PAPPA: variants seen among roughly 807,000 people sequenced by gnomAD.
PAPPA encodes pappalysin 1, also known as pappalysin-1.
In PAPPA, 60 loss-of-function variants were observed where a neutral mutation model predicts 164.0. That is an observed-to-expected ratio of 0.37 (90% confidence interval 0.30 to 0.45). PAPPA has a LOEUF of 0.45. Ranked by LOEUF, PAPPA falls within the 20% of genes least tolerant of loss-of-function variation. The probability of loss-of-function intolerance (pLI) is 1.00; values close to 1 mark genes in which losing one functional copy is unlikely to be tolerated. For missense variants in PAPPA, 1,782 were observed against 2,087.3 expected (o/e 0.85, Z 2.85); for synonymous variants, 875 against 814.1 (o/e 1.07, Z -1.27).
At chr9:116,357,957 T>C (rs1846375138) in intron 17 of PAPPA, among the ~76,000 whole-genome samples, 1 of 152,184 alleles carries the variant, frequency 6.6e-6, no homozygotes, top group Non-Finnish European at 1.5e-5. Flanking sequence ...TGTGAAAGCC[T>C]TTCTGCCATA....
chr9:116,280,866 C>T (rs779318400), intron 9 of PAPPA, among the ~76,000 whole-genome samples: 6 of 152,168 alleles, frequency 3.9e-5, no homozygotes, highest in Non-Finnish European at 8.8e-5. Flanking sequence ...CTTGTATGGA[C>T]CACAAAGCCA....
chr9:116,339,220 T>C (rs182132726), intron 13 of PAPPA, among the ~76,000 whole-genome samples: 1 of 152,314 alleles, frequency 6.6e-6, no homozygotes, highest in East Asian at 1.9e-4. Flanking sequence ...GGAGAGTTCA[T>C]ATTAAAAAAC....
chr9:116,265,045 A>T (rs940530001), intron 7 of PAPPA, among the ~76,000 whole-genome samples: 1 of 152,126 alleles, frequency 6.6e-6, no homozygotes, highest in Non-Finnish European at 1.5e-5. Context: ...CCAGGACATG[A>T]CCCAACTTTG....
chr9:116,307,222 T>C (rs1845657729), intron 10 of PAPPA, among the ~76,000 whole-genome samples: 1 of 152,196 alleles, frequency 6.6e-6, no homozygotes. Flanking sequence ...TAACCCACGA[T>C]TGGGTATATT....
intron 13 of PAPPA, among the ~76,000 whole-genome samples, chr9:116,344,010 C>T (rs1214388018): frequency 2.0e-5 from 3 of 152,268 alleles, no homozygotes; most frequent in Non-Finnish European, 1.5e-5. Context: ...TCGTGATCTG[C>T]CCATCTCAGG....
chr9:116,315,553 C>G (rs1845777686), intron 10 of PAPPA, among the ~76,000 whole-genome samples: 1 of 152,108 alleles, frequency 6.6e-6, no homozygotes, highest in Admixed American at 6.5e-5. Flanking sequence ...GAAGCTCTAC[C>G]CTTTGCTTCT....
intron 1 of PAPPA, among the ~76,000 whole-genome samples, chr9:116,179,790 T>G (rs1843882231): frequency 6.6e-6 from 1 of 152,198 alleles, no homozygotes; most frequent in Admixed American, 6.5e-5. Context: ...AGATAAAAGC[T>G]TTCCATAGGA....
chr9:116,369,736 C>T (rs1259011908), intron 19 of PAPPA, among the ~76,000 whole-genome samples: 1 of 152,044 alleles, frequency 6.6e-6, no homozygotes, highest in Non-Finnish European at 1.5e-5. Flanking sequence ...ATTTGAAAGC[C>T]TGCAAGCTGC....
At chr9:116,163,408 G>A (rs1357204572) in intron 1 of PAPPA, among the ~76,000 whole-genome samples, 1 of 152,092 alleles carries the variant, frequency 6.6e-6, no homozygotes, top group Non-Finnish European at 1.5e-5. Flanking sequence ...AGAAGGCCAT[G>A]GTGTATCGCA....
intron 18 of PAPPA, among the ~76,000 whole-genome samples, chr9:116,364,046 G>C (rs1846466073): frequency 6.6e-6 from 1 of 152,224 alleles, no homozygotes; most frequent in African/African-American, 2.4e-5. Context: ...GTGTTGCAGA[G>C]AGATGGGATC....
At chr9:116,370,050 C>A (rs1223101615) in intron 19 of PAPPA, among the ~76,000 whole-genome samples, 1 of 152,110 alleles carries the variant, frequency 6.6e-6, no homozygotes, top group African/African-American at 2.4e-5. Flanking sequence ...CATTTCCAGG[C>A]CAGAGGAGGC....
At position 116,334,994 on chromosome 9, in the gene PAPPA, C is replaced by T. The variant is rs777250443; in HGVS notation, c.3531C>T (p.Ala1177=). ...CCCTGGTCGCCATCTCGGGGGTGGC[C>T]CTCCGTTCCTTCGACAACTTTGACC... ...SSPLVAISGV[A]LRSFDNFDPV... is the part of the protein sequence containing the mutation. Residue 1177 remains alanine (A), a synonymous_variant, in exon 13 of 22, where the codon GCC becomes GCT. Transcript: ENST00000328252. The T allele has an allele frequency of 5.6e-6, 9 of 1,613,592 alleles. No individual in the cohort carries two copies. The highest frequency in any genetic ancestry group is 1.1e-5 in the South Asian group (1 of 91,026).
At chr9:116,356,683 T>A (rs1846358660) in intron 17 of PAPPA, among the ~76,000 whole-genome samples, 1 of 152,246 alleles carries the variant, frequency 6.6e-6, no homozygotes, top group Non-Finnish European at 1.5e-5. Context: ...TGGTGTTATA[T>A]CTGAGGACTC....
intron 9 of PAPPA, among the ~76,000 whole-genome samples, chr9:116,275,897 C>T (rs533296530): frequency 1.3e-5 from 2 of 152,104 alleles, no homozygotes; most frequent in Admixed American, 6.6e-5. Flanking sequence ...TATGCAACAC[C>T]CTGGGGACTT....
In PAPPA at chr9:116,187,034, GC is replaced by G. The variant is rs1399248918; in HGVS notation, c.416-119del. On this transcript the variant is annotated intron_variant, in intron 1 of 21. Transcript: ENST00000328252. This position sits in a 1 kb window ranked among gnomAD's most constrained non-coding sequence, Gnocchi z 4.2. ...TTAGCAACTCCTAGGATCCCACAGA[GC>G]AGTTGGAAAGCGATGAGTCTAGGAT... 7 of 716,692 alleles carry G rather than the reference GC, an allele frequency of 9.8e-6. No homozygotes were observed. The highest frequency in any genetic ancestry group is 1.6e-5 in the Non-Finnish European group (7 of 438,772). 44.4% of individuals were successfully genotyped at this position (716,692 alleles called of 1,614,324 possible). A position where few individuals can be genotyped will look rare whatever the true frequency, so the allele number is the denominator to read the frequency against.
Position 116,382,505 on chromosome 9 carries a change from T to G in PAPPA, c.4776+12T>G, listed in dbSNP as rs757207889. 1.4e-5 allele frequency: 22 copies of G among 1,560,974 alleles called. No homozygotes were observed. Among genetic ancestry groups the G allele is most frequent in the Non-Finnish European group, 1.9e-5 (22 of 1,131,434 alleles). ...TGAAGACCAAAAAGGTAGGCCAGTG[T>G]GCACTCCTCGGCAGCTGCCTCCTGC... is the stretch of plus-strand genomic sequence containing the variant. On this transcript the variant is annotated intron_variant, in intron 21 of 21. Transcript: ENST00000328252.
intron 6 of PAPPA, among the ~76,000 whole-genome samples, chr9:116,234,757 T>A (rs1844639357): frequency 6.6e-6 from 1 of 152,186 alleles, no homozygotes; most frequent in African/African-American, 2.4e-5. Context: ...TATCACCTCC[T>A]AAATAAGTCC....
At chr9:116,304,994 G>A (rs560365491) in intron 10 of PAPPA, among the ~76,000 whole-genome samples, 2 of 152,062 alleles carry the variant, frequency 1.3e-5, no homozygotes, top group East Asian at 3.9e-4. Flanking sequence ...CAGGAAGAGG[G>A]CAGCAGAACA....
At chr9:116,194,252 A>T (rs898224452) in intron 2 of PAPPA, among the ~76,000 whole-genome samples, 3 of 152,214 alleles carry the variant, frequency 2.0e-5, no homozygotes, top group Admixed American at 2.0e-4. Flanking sequence ...CCAATTCCAC[A>T]TCTATTTGGA....
Sources: allele counts gnomAD v4.1 joint callset (sites outside exome capture counted in the v4.1 genomes callset), GRCh38; gene constraint gnomAD v4.1.1; non-coding constraint Gnocchi (gnomAD v3.1); transcripts MANE v1.5; gene names NCBI Gene and HGNC (gene_info 2026-07-23, HGNC 2026-07-21).